Variants in LRMDA observed in about 807,000 individuals in gnomAD.
The protein encoded by LRMDA is leucine rich melanocyte differentiation associated.
LRMDA carries 18 observed loss-of-function variants against 29.8 expected under a neutral mutation model. The observed-to-expected ratio is 0.60, with a 90% CI of 0.42 to 0.90. The LOEUF (loss-of-function observed/expected upper bound fraction) is 0.90, where lower values mean the gene tolerates loss of function less well. Among genes scored for constraint, LRMDA ranks in the 40% least tolerant of loss-of-function variants. LRMDA has a pLI of 0.00. For missense variants in LRMDA, 273 were observed against 273.9 expected (o/e 1.00, Z 0.02); for synonymous variants, 125 against 109.4 (o/e 1.14, Z -0.89).
At chr10:76,278,894 G>A (rs994832186) in intron 5 of LRMDA, among the ~76,000 whole-genome samples, 1 of 152,140 alleles carries the variant, frequency 6.6e-6, no homozygotes. Flanking sequence ...ATTGTTGCTG[G>A]GTAGAGAGAA....
At chr10:75,919,266 G>A (rs1230446858) in intron 2 of LRMDA, among the ~76,000 whole-genome samples, 1 of 152,134 alleles carries the variant, frequency 6.6e-6, no homozygotes, top group East Asian at 1.9e-4. Context: ...CAAAGCTGTC[G>A]GGGATGTTTA....
At chr10:75,478,508 A>C (rs946481250) in intron 2 of LRMDA, among the ~76,000 whole-genome samples, 3 of 152,182 alleles carry the variant, frequency 2.0e-5, no homozygotes, top group African/African-American at 7.2e-5. Flanking sequence ...TGACTGAATT[A>C]AGCTTTCTGT....
chr10:75,596,181 C>G (rs949880477), intron 2 of LRMDA, among the ~76,000 whole-genome samples: 2 of 152,100 alleles, frequency 1.3e-5, no homozygotes, highest in South Asian at 4.1e-4. Context: ...GATTATGATC[C>G]CTACATGACA....
intron 2 of LRMDA, among the ~76,000 whole-genome samples, chr10:75,511,087 G>A (rs973684058): frequency 3.3e-5 from 5 of 152,130 alleles, no homozygotes; most frequent in Admixed American, 1.3e-4. Context: ...AGCACTTTGC[G>A]GGGGCTGAGG....
At chr10:76,415,870 G>A (rs1259849970) in intron 6 of LRMDA, among the ~76,000 whole-genome samples, 1 of 152,164 alleles carries the variant, frequency 6.6e-6, no homozygotes, top group East Asian at 1.9e-4. Context: ...TGTTCTCCTC[G>A]CTGCTTCTTG....
At chr10:75,836,501 T>C (rs1288981743) in intron 2 of LRMDA, among the ~76,000 whole-genome samples, 1 of 152,224 alleles carries the variant, frequency 6.6e-6, no homozygotes, top group Non-Finnish European at 1.5e-5. Flanking sequence ...GGGCAGTAAG[T>C]ATGATGATTA....
chr10:76,285,800 G>A (rs1840264129), intron 5 of LRMDA, among the ~76,000 whole-genome samples: 1 of 152,158 alleles, frequency 6.6e-6, no homozygotes. Context: ...GAGTACTAGT[G>A]TATTAGCCTC....
At position 75,431,793 on chromosome 10, in the gene LRMDA, T is replaced by C. The variant is rs772923377; in HGVS notation, c.30+39T>C. 5.3e-5 allele frequency: 70 copies of C among 1,331,076 alleles called. 1 individual carries two copies. In the Middle Eastern group the frequency reaches 8.3e-4, roughly 16 times the overall value. The allele number at this position is 1,331,076 out of a possible 1,614,324, so 82.5% of individuals were successfully genotyped here. ...AGCCCCGCCTCCGCCCGGGGCGCAG[T>C]CCGCGTGGGGAGGGACAGCGGGGCA... On this transcript the variant is annotated intron_variant, in intron 1 of 6. Coordinates refer to ENST00000611255, the MANE Select transcript of LRMDA (RefSeq NM_001305581.2).
At chr10:75,845,384 G>C (rs1413452389) in intron 2 of LRMDA, among the ~76,000 whole-genome samples, 1 of 152,094 alleles carries the variant, frequency 6.6e-6, no homozygotes, top group Non-Finnish European at 1.5e-5. Context: ...TAACTGAATG[G>C]ATCATTTAAC....
At chr10:75,476,907 T>C (rs1219153535) in intron 2 of LRMDA, among the ~76,000 whole-genome samples, 2 of 152,168 alleles carry the variant, frequency 1.3e-5, no homozygotes, top group African/African-American at 4.8e-5. Flanking sequence ...TGCAGAAGGC[T>C]GTGTTCTCAC....
chr10:75,799,210 C>T (rs1212603331), intron 2 of LRMDA, among the ~76,000 whole-genome samples: 2 of 152,270 alleles, frequency 1.3e-5, no homozygotes, highest in East Asian at 3.9e-4. Context: ...TTACCTCTGT[C>T]TAGTTTTTGT....
chr10:76,478,440 C>T (rs1280699650), intron 6 of LRMDA, among the ~76,000 whole-genome samples: 3 of 152,302 alleles, frequency 2.0e-5, no homozygotes, highest in African/African-American at 7.2e-5. Context: ...GAGTTTTACA[C>T]TGTTGATGGG....
intron 5 of LRMDA, among the ~76,000 whole-genome samples, chr10:76,227,014 T>G (rs1005054505): frequency 6.6e-6 from 1 of 152,206 alleles, no homozygotes; most frequent in African/African-American, 2.4e-5. Context: ...GCATATACTT[T>G]AGAAAAAAAT....
intron 6 of LRMDA, among the ~76,000 whole-genome samples, chr10:76,380,039 G>A (rs1043473065): frequency 9.9e-5 from 15 of 152,050 alleles, no homozygotes; most frequent in Middle Eastern, 3.2e-3. Context: ...TCTTGGTATC[G>A]ACTTATAGTT....
At chr10:75,908,427 G>A (rs1324613730) in intron 2 of LRMDA, among the ~76,000 whole-genome samples, 1 of 152,232 alleles carries the variant, frequency 6.6e-6, no homozygotes, top group African/African-American at 2.4e-5. Flanking sequence ...TGGCAGTCTG[G>A]TTTGTGATGG....
rs118188568 is a variant in LRMDA at position 75,860,454 on chromosome 10, C to T, written c.132-175554C>T. Among the ~76,000 whole-genome samples the T allele has an allele frequency of 6.9e-3, 1,039 of 151,294 alleles. 5 individuals are homozygous for T. The highest frequency in any genetic ancestry group is 0.01 in the Non-Finnish European group (689 of 67,868). On this transcript the variant is annotated intron_variant, in intron 2 of 6. Transcript: ENST00000611255. ...CTCCTGCCTCAGCCTCCTGAGTATC[C>T]GGGATTAAAGGTTTGCACCAGCATG...
intron 5 of LRMDA, among the ~76,000 whole-genome samples, chr10:76,297,977 C>T (rs1435610177): frequency 6.6e-6 from 1 of 152,190 alleles, no homozygotes. Context: ...CCGCATGTGC[C>T]GACTGAAGTC....
intron 2 of LRMDA, among the ~76,000 whole-genome samples, chr10:75,654,515 T>G (rs1056695646): frequency 6.6e-5 from 10 of 152,202 alleles, no homozygotes; most frequent in African/African-American, 2.4e-4. Flanking sequence ...TCATTTCCCT[T>G]TTCCTTAATA....
intron 2 of LRMDA, among the ~76,000 whole-genome samples, chr10:75,713,452 G>A (rs994266278): frequency 6.6e-6 from 1 of 152,142 alleles, no homozygotes; most frequent in African/African-American, 2.4e-5. Flanking sequence ...TTAAGATTTT[G>A]TTTCCCTACA....
Sources: gnomAD v4.1 joint callset for allele counts (sites outside exome capture counted in the v4.1 genomes callset) on GRCh38, gnomAD v4.1.1 for gene constraint, MANE v1.5 for transcripts, NCBI Gene and HGNC (gene_info 2026-07-23, HGNC 2026-07-21) for gene names.